The following MYO6 variants were observed in gnomAD, a reference collection of about 807,000 sequenced individuals.
MYO6 encodes the protein unconventional myosin-VI.
Under a neutral mutation model 178.7 loss-of-function variants are expected in MYO6, and 74 were observed. The observed-to-expected ratio is 0.41, with a 90% CI of 0.34 to 0.50. The LOEUF (loss-of-function observed/expected upper bound fraction) is 0.50. Among genes scored for constraint, MYO6 ranks in the 20% least tolerant of loss-of-function variants. The pLI, the probability that MYO6 is intolerant of heterozygous loss-of-function variation, is 0.09. For missense variants in MYO6, 1,330 were observed against 1,547.4 expected (o/e 0.86, Z 2.36); for synonymous variants, 477 against 504.6 (o/e 0.95, Z 0.73).
At chr6:75,760,466 A>G (rs1252128774) in intron 1 of MYO6, among the ~76,000 whole-genome samples, 1 of 152,168 alleles carries the variant, frequency 6.6e-6, no homozygotes, top group African/African-American at 2.4e-5. Context: ...TCTTACTCAG[A>G]TTAAGAAGCA....
intron 7 of MYO6, among the ~76,000 whole-genome samples, chr6:75,837,006 C>T (rs766389817): frequency 6.6e-6 from 1 of 152,218 alleles, no homozygotes; most frequent in Non-Finnish European, 1.5e-5. Flanking sequence ...CTGAGCTCAC[C>T]TGGAGTCATG....
chr6:75,836,391 G>A (rs1355202201), intron 7 of MYO6, among the ~76,000 whole-genome samples: 1 of 152,054 alleles, frequency 6.6e-6, no homozygotes, highest in East Asian at 1.9e-4. Context: ...AGCTATCCAT[G>A]CTTGTATACC....
chr6:75,832,072 A>T (rs1773154684), intron 5 of MYO6, among the ~76,000 whole-genome samples: 1 of 152,098 alleles, frequency 6.6e-6, no homozygotes, highest in African/African-American at 2.4e-5. Flanking sequence ...TTTTGAATTA[A>T]AGTTGTCTTA....
At chr6:75,804,950 TA>T (rs1769875081) in intron 1 of MYO6, among the ~76,000 whole-genome samples, 1 of 145,436 alleles carries the variant, frequency 6.9e-6, no homozygotes, top group African/African-American at 2.5e-5. Context: ...TATATACACA[TA>T]TGTACACATA....
chr6:75,832,984 T>G, intron 6 of MYO6, 37 bp downstream of exon 6: 1 of 1,438,846 alleles, frequency 7.0e-7, no homozygotes, highest in Middle Eastern at 1.8e-4. Context: ...TTGAGTAGGT[T>G]GATCTTTTTT....
chr6:75,757,379 A>G (rs1777542040), intron 1 of MYO6, among the ~76,000 whole-genome samples: 1 of 149,284 alleles, frequency 6.7e-6, no homozygotes, highest in Non-Finnish European at 1.5e-5. Flanking sequence ...GTGTGTATAT[A>G]TATGTATACA....
chr6:75,846,784 A>G (rs1198767772), intron 10 of MYO6, among the ~76,000 whole-genome samples: 1 of 152,146 alleles, frequency 6.6e-6, no homozygotes, highest in African/African-American at 2.4e-5. Context: ...AATGGAGTAG[A>G]GAGGAAAGAA....
chr6:75,913,963 T>C, intron 33 of MYO6, 100 bp from the exon 34 acceptor site: 1 of 1,013,166 alleles, frequency 9.9e-7, no homozygotes, highest in South Asian at 1.5e-5. Context: ...ATTAGGGACC[T>C]TTCTTCTTTT....
At chr6:75,813,332 A>G (rs1770878004) in intron 1 of MYO6, among the ~76,000 whole-genome samples, 1 of 152,108 alleles carries the variant, frequency 6.6e-6, no homozygotes, top group East Asian at 1.9e-4. Context: ...CATGGCAAGT[A>G]CAGCCTGGCT....
chr6:75,919,494 G>A lies in MYO6; in HGVS notation c.*4482G>A, dbSNP rs1781316797. ...TCTAATGCTTTCTCTAAAAATTGATGTACTGGAAATACAAATAAATAAATG... is the reference window on the plus strand; with the variant it reads ...TCTAATGCTTTCTCTAAAAATTGATATACTGGAAATACAAATAAATAAATG... On this transcript the variant is annotated 3_prime_UTR_variant, in exon 35 of 35. Transcript: ENST00000369977. 1 of 152,548 alleles carries A rather than the reference G, an allele frequency of 6.6e-6. No individual in the cohort carries two copies. Among genetic ancestry groups the A allele is most frequent in the Admixed American group, 6.6e-5 (1 of 15,260 alleles). The allele number at this position is 152,548 out of a possible 1,614,324, so 9.4% of individuals were successfully genotyped here. A position where few individuals can be genotyped will look rare whatever the true frequency, so the allele number is the denominator to read the frequency against.
At chr6:75,754,675 C>G (rs937051158) in intron 1 of MYO6, among the ~76,000 whole-genome samples, 1 of 151,908 alleles carries the variant, frequency 6.6e-6, no homozygotes. Flanking sequence ...TTAGATATGA[C>G]AAGTGTGAAC....
intron 30 of MYO6, among the ~76,000 whole-genome samples, chr6:75,902,024 C>T (rs1408629657): frequency 6.6e-6 from 1 of 152,178 alleles, no homozygotes; most frequent in Non-Finnish European, 1.5e-5. Flanking sequence ...TGCTGGCTTA[C>T]ATTTATTGAT....
intron 1 of MYO6, among the ~76,000 whole-genome samples, chr6:75,801,509 G>A (rs1214072727): frequency 1.3e-5 from 2 of 152,160 alleles, no homozygotes; most frequent in South Asian, 2.1e-4. Context: ...GATATGTAGA[G>A]GTGGTGGTGA....
chr6:75,756,228 C>CA (rs35268480), intron 1 of MYO6, among the ~76,000 whole-genome samples: 103 of 146,144 alleles, frequency 7.0e-4, no homozygotes, highest in East Asian at 4.2e-3. Flanking sequence ...GATTCTGTCT[C>CA]AAAAAAAAAA....
intron 15 of MYO6, 45 bp from the exon 16 acceptor site, chr6:75,862,551 G>A (rs747090647): frequency 6.5e-7 from 1 of 1,538,084 alleles, no homozygotes; most frequent in Non-Finnish European, 9.0e-7. Flanking sequence ...TCTTTAAAAT[G>A]TTATGTTTTT....
At chr6:75,883,359 T>C (rs183307859) in intron 23 of MYO6, among the ~76,000 whole-genome samples, 62 of 152,304 alleles carry the variant, frequency 4.1e-4, no homozygotes, top group African/African-American at 1.5e-3. Context: ...TCTCAGTCAT[T>C]AACTATATTT....
chr6:75,879,844 T>G lies in MYO6; in HGVS notation c.2102T>G (p.Met701Arg). 6.2e-7 allele frequency: 1 copy of G among 1,614,164 alleles called. No individual in the cohort carries two copies. Residue 701 changes from methionine to arginine, a missense_variant, in exon 21 of 35, where the codon ATG (methionine) becomes AGG (arginine). Physicochemically the swap from Met to Arg is moderately conservative, Grantham distance 91 (BLOSUM62 -1). Around this residue, in one of 3 missense-constraint regions of MYO6, gnomAD observed 613 missense variants for 816.8 expected, o/e 0.75. Transcript: ENST00000369977. ...CSGMVSVLDL[M>R]QGGYPSRASF... ...GGGATGGTGTCTGTTTTGGACTTGA[T>G]GCAGGGTGGTTACCCATCACGAGCT...
At chr6:75,806,903 C>T (rs1770155786) in intron 1 of MYO6, among the ~76,000 whole-genome samples, 1 of 152,104 alleles carries the variant, frequency 6.6e-6, no homozygotes, top group Non-Finnish European at 1.5e-5. Context: ...CCACTTCACA[C>T]CTCTATATTT....
At chr6:75,878,073 A>G (rs952849956) in intron 20 of MYO6, among the ~76,000 whole-genome samples, 2 of 152,200 alleles carry the variant, frequency 1.3e-5, no homozygotes, top group African/African-American at 4.8e-5. Context: ...TTTTTTCCCC[A>G]TACGAATGAT....
Sources: gnomAD v4.1 joint callset for allele counts (sites outside exome capture counted in the v4.1 genomes callset) on GRCh38, gnomAD v4.1.1 for gene constraint, gnomAD v4.1.1 regional missense constraint, MANE v1.5 for transcripts, NCBI Gene and HGNC (gene_info 2026-07-23, HGNC 2026-07-21) for gene names.